The following KALRN variants were observed in gnomAD, a reference collection of about 807,000 sequenced individuals.
KALRN encodes kalirin RhoGEF kinase, also known as kalirin.
A neutral mutation model predicts 353.7 loss-of-function variants in KALRN; 70 were observed. The ratio of observed to expected loss-of-function variants is 0.20; its 90% CI spans 0.16 to 0.24. The LOEUF (loss-of-function observed/expected upper bound fraction) is 0.24. Ranked by LOEUF, KALRN falls within the 10% of genes least tolerant of loss-of-function variation. The pLI is 1.00. For synonymous variants in KALRN, 1,391 were observed against 1,434.8 expected (o/e 0.97, Z 0.69); for missense variants, 2,791 against 3,756.7 (o/e 0.74, Z 6.72).
chr3:124,420,878 G>T (rs568071878), intron 14 of KALRN, among the ~76,000 whole-genome samples: 7 of 152,122 alleles, frequency 4.6e-5, no homozygotes, highest in African/African-American at 1.7e-4. Context: ...GATTTCTGAC[G>T]GTGTGAGTTA....
intron 6 of KALRN, among the ~76,000 whole-genome samples, chr3:124,307,180 T>A (rs1283099468): frequency 1.3e-5 from 2 of 152,120 alleles, no homozygotes; most frequent in Admixed American, 6.5e-5. Flanking sequence ...GTACATAATG[T>A]ATTGTTGGGC....
intron 34 of KALRN, among the ~76,000 whole-genome samples, chr3:124,612,909 TTAAA>T (rs10595090): frequency 0.73 from 110,969 of 151,650 alleles, 41,401 homozygotes; most frequent in African/African-American, 0.87. Context: ...GGATCCCCAC[TTAAA>T]TAATACAAGA....
chr3:124,595,913 T>G (rs2076223590), intron 34 of KALRN, among the ~76,000 whole-genome samples: 2 of 152,208 alleles, frequency 1.3e-5, no homozygotes, highest in Non-Finnish European at 2.9e-5. Context: ...AAGTATATTT[T>G]GTGGCATTCT....
intron 15 of KALRN, among the ~76,000 whole-genome samples, chr3:124,425,332 C>T (rs991797970): frequency 7.9e-5 from 12 of 152,212 alleles, no homozygotes; most frequent in Non-Finnish European, 1.6e-4. Flanking sequence ...ATGTGCACTA[C>T]ACATTGTATA....
chr3:124,391,439 C>T (rs1322182084), intron 11 of KALRN, among the ~76,000 whole-genome samples: 3 of 152,200 alleles, frequency 2.0e-5, no homozygotes, highest in African/African-American at 7.2e-5. Flanking sequence ...CTAATTAGTT[C>T]CAGCAGACAT....
chr3:124,553,950 A>T (rs2070877714), intron 33 of KALRN, among the ~76,000 whole-genome samples: 1 of 152,270 alleles, frequency 6.6e-6, no homozygotes, highest in African/African-American at 2.4e-5. Context: ...ACCAGTTGCT[A>T]CTACTGCCTC....
intron 5 of KALRN, among the ~76,000 whole-genome samples, chr3:124,274,579 T>C (rs1331203397): frequency 3.3e-5 from 5 of 152,244 alleles, no homozygotes; most frequent in Non-Finnish European, 7.3e-5. Flanking sequence ...AGCTGGCTAA[T>C]GGGGCTTCCA....
intron 3 of KALRN, among the ~76,000 whole-genome samples, chr3:124,247,508 G>T (rs1428553895): frequency 1.3e-5 from 2 of 152,012 alleles, no homozygotes; most frequent in Non-Finnish European, 2.9e-5. Context: ...ATAGTGTGGT[G>T]TTTCTATAAT....
intron 10 of KALRN, among the ~76,000 whole-genome samples, chr3:124,361,623 G>A (rs780225284): frequency 5.1e-4 from 78 of 152,320 alleles, no homozygotes; most frequent in South Asian, 1.5e-3. Context: ...TGAAGACAGA[G>A]GGCTGGGTCT....
At chr3:124,277,996 ATGTGTGTGTGTGTGTG>A (rs3054178) in intron 5 of KALRN, among the ~76,000 whole-genome samples, 1 of 146,210 alleles carries the variant, frequency 6.8e-6, no homozygotes, top group Non-Finnish European at 1.5e-5. Context: ...GAGATGAACT[ATGTGTGTGTGTGTGTG>A]TGTGTGTGTG....
At chr3:124,143,530 TC>T (rs1228815050) in intron 1 of KALRN, among the ~76,000 whole-genome samples, 2 of 152,146 alleles carry the variant, frequency 1.3e-5, no homozygotes, top group African/African-American at 4.8e-5. Flanking sequence ...CCTGGGTGGG[TC>T]CCTTAACTTA....
intron 12 of KALRN, among the ~76,000 whole-genome samples, chr3:124,397,721 C>T (rs78285566): frequency 0.035 from 5,311 of 152,288 alleles, 310 homozygotes; most frequent in African/African-American, 0.12. Flanking sequence ...TCACCTCTCC[C>T]TACTACGTTT....
At chr3:124,476,092 A>T (rs976442409) in intron 26 of KALRN, among the ~76,000 whole-genome samples, 4 of 151,974 alleles carry the variant, frequency 2.6e-5, no homozygotes, top group African/African-American at 9.7e-5. Context: ...GTTTCAGAAA[A>T]TTTTTTGATT....
intron 13 of KALRN, among the ~76,000 whole-genome samples, chr3:124,409,461 G>A (rs1451768393): frequency 6.6e-6 from 1 of 152,192 alleles, no homozygotes; most frequent in East Asian, 1.9e-4. Flanking sequence ...GTGTTGTCGT[G>A]AAGCTCTTCA....
intron 37 of KALRN, among the ~76,000 whole-genome samples, chr3:124,646,484 A>G (rs2082750410): frequency 6.9e-6 from 1 of 145,268 alleles, no homozygotes; most frequent in Non-Finnish European, 1.5e-5. Context: ...TCCACCTCCC[A>G]GGTCCAAGTG....
intron 10 of KALRN, among the ~76,000 whole-genome samples, chr3:124,363,239 C>T (rs1281387192): frequency 1.3e-5 from 2 of 152,216 alleles, no homozygotes; most frequent in African/African-American, 4.8e-5. Flanking sequence ...CTCTATGCCT[C>T]ACACAAAGAT....
At chr3:124,493,201 C>T (rs1258758029) in intron 32 of KALRN, among the ~76,000 whole-genome samples, 2 of 152,166 alleles carry the variant, frequency 1.3e-5, no homozygotes, top group Non-Finnish European at 2.9e-5. Context: ...AGAAGAACCA[C>T]GTATAGGGAT....
At position 124,697,926 on chromosome 3, in the gene KALRN, T is replaced by G. The variant is rs551841660; in HGVS notation, c.7831+202T>G. Among the ~76,000 whole-genome samples, 4 of 152,208 alleles carry G rather than the reference T, an allele frequency of 2.6e-5. No homozygotes were observed. In the South Asian group the frequency reaches 8.3e-4, roughly 32 times the overall value. On this transcript the variant is annotated intron_variant, in intron 55 of 59. Transcript: ENST00000682506. Reference sequence around the variant, plus strand: ...ATCCTCCCACCTTGGCCTCCCAAAGTGCTGGGATTACAGGCATGAGCCACT... The same window carrying G: ...ATCCTCCCACCTTGGCCTCCCAAAGGGCTGGGATTACAGGCATGAGCCACT...
At chr3:124,341,295 G>A (rs951815475) in intron 9 of KALRN, among the ~76,000 whole-genome samples, 6 of 152,232 alleles carry the variant, frequency 3.9e-5, no homozygotes, top group African/African-American at 7.2e-5. Flanking sequence ...GGGCTCACCT[G>A]CGTTGTTATC....
Sources: gnomAD v4.1 joint callset for allele counts (sites outside exome capture counted in the v4.1 genomes callset) on GRCh38, gnomAD v4.1.1 for gene constraint, MANE v1.5 for transcripts, NCBI Gene and HGNC (gene_info 2026-07-23, HGNC 2026-07-21) for gene names.